The following SCARA5 variants were observed in gnomAD, a reference collection of about 807,000 sequenced individuals.
SCARA5 encodes the protein scavenger receptor class A member 5, also known as scavenger receptor class A, member 5 (putative).
Under a neutral mutation model 46.3 loss-of-function variants are expected in SCARA5, and 45 were observed. The observed-to-expected ratio is 0.97, with a 90% CI of 0.76 to 1.24. The LOEUF (loss-of-function observed/expected upper bound fraction) is 1.24, where lower values mean the gene tolerates loss of function less well. Ranked by LOEUF, SCARA5 falls within the 50% of genes most tolerant of loss-of-function variation. SCARA5 has a pLI of 0.00. For synonymous variants in SCARA5, 333 were observed against 306.5 expected (o/e 1.09, Z -0.90); for missense variants, 680 against 689.0 (o/e 0.99, Z 0.15).
intron 2 of SCARA5, among the ~76,000 whole-genome samples, chr8:27,969,120 G>A (rs985218675): frequency 6.6e-6 from 1 of 152,156 alleles, no homozygotes; most frequent in Non-Finnish European, 1.5e-5. Flanking sequence ...AGGGAAAGAA[G>A]ACAATTTAAG....
chr8:27,930,731 T>G (rs1807757870), intron 3 of SCARA5, among the ~76,000 whole-genome samples: 1 of 152,210 alleles, frequency 6.6e-6, no homozygotes, highest in Non-Finnish European at 1.5e-5. Flanking sequence ...AATTGCCCAG[T>G]CTTGGGTATG....
At chr8:27,987,423 G>T in intron 2 of SCARA5, 81 bp downstream of exon 2, 2 of 897,996 alleles carry the variant, frequency 2.2e-6, no homozygotes, top group Non-Finnish European at 3.8e-6. Context: ...TAAAGGCAAT[G>T]CCAAGGTTGG....
chr8:27,960,429 G>A (rs1414667288), intron 3 of SCARA5, among the ~76,000 whole-genome samples: 3 of 151,990 alleles, frequency 2.0e-5, no homozygotes, highest in Non-Finnish European at 2.9e-5. Context: ...CTCCTGCCTC[G>A]GCCTCCCAAG....
At chr8:27,990,419 C>G (rs185279111) in intron 1 of SCARA5, among the ~76,000 whole-genome samples, 1 of 152,266 alleles carries the variant, frequency 6.6e-6, no homozygotes, top group East Asian at 1.9e-4. Context: ...TGGACCAAGT[C>G]TGTGCTCTAG....
chr8:27,911,142 G>A (rs1015022003), intron 4 of SCARA5, among the ~76,000 whole-genome samples: 1 of 152,158 alleles, frequency 6.6e-6, no homozygotes, highest in African/African-American at 2.4e-5. Flanking sequence ...GCTCTAAGGT[G>A]GCTCACTGCC....
intron 4 of SCARA5, among the ~76,000 whole-genome samples, chr8:27,913,403 G>C (rs1305380002): frequency 6.6e-6 from 1 of 152,186 alleles, no homozygotes; most frequent in Non-Finnish European, 1.5e-5. Flanking sequence ...CTGCCTGTAG[G>C]TGAAGCAATC....
Position 27,922,227 on chromosome 8 carries a change from G to A in SCARA5, c.260C>T (p.Ser87Phe), listed in dbSNP as rs1307755601. ...AGTCAGGGCCTTCAGGTCGTCAGGG[G>A]AGCTGCGCGGCCTGGACACTGCGGA... Reference protein sequence around the residue: ...FILAVSRPRSSPDDLKALTRN... With the variant: ...FILAVSRPRSFPDDLKALTRN... Residue 87 changes from serine to phenylalanine, a missense_variant, in exon 4 of 9, where the codon TCC (serine) becomes TTC (phenylalanine). Ser to Phe is a radical substitution (Grantham distance 155). Coordinates refer to ENST00000354914, the MANE Select transcript of SCARA5 (RefSeq NM_173833.6). The A allele has an allele frequency of 6.4e-7, 1 of 1,573,238 alleles. No individual in the cohort carries two copies. The highest frequency in any genetic ancestry group is 8.6e-7 in the Non-Finnish European group (1 of 1,158,246).
chr8:27,955,398 T>C (rs1808192712), intron 3 of SCARA5, among the ~76,000 whole-genome samples: 1 of 152,078 alleles, frequency 6.6e-6, no homozygotes, highest in South Asian at 2.1e-4. Context: ...AGAAGGAGCA[T>C]AGAGAAAGGC....
At chr8:27,873,312 C>T (rs961420757) in intron 8 of SCARA5, among the ~76,000 whole-genome samples, 5 of 152,184 alleles carry the variant, frequency 3.3e-5, no homozygotes, top group Non-Finnish European at 7.3e-5. Context: ...CACTTCAACA[C>T]TATTTTATGT....
chr8:27,959,022 C>A (rs1033075697), intron 3 of SCARA5, among the ~76,000 whole-genome samples: 2 of 152,112 alleles, frequency 1.3e-5, no homozygotes, highest in African/African-American at 4.8e-5. Context: ...CACTTGAGGC[C>A]AGGAGTTTAA....
intron 3 of SCARA5, among the ~76,000 whole-genome samples, chr8:27,954,436 T>C (rs1808176813): frequency 6.6e-6 from 1 of 152,244 alleles, no homozygotes; most frequent in Non-Finnish European, 1.5e-5. Flanking sequence ...TTGTAATATA[T>C]GTTTGTTTGC....
chr8:27,975,645 C>A (rs1348488118), intron 2 of SCARA5, among the ~76,000 whole-genome samples: 1 of 152,188 alleles, frequency 6.6e-6, no homozygotes, highest in African/African-American at 2.4e-5. Flanking sequence ...ATTTTGGTAA[C>A]CTGAAGTGAA....
intron 3 of SCARA5, among the ~76,000 whole-genome samples, chr8:27,948,224 C>T (rs1032630038): frequency 5.3e-5 from 8 of 152,102 alleles, no homozygotes; most frequent in African/African-American, 1.4e-4. Flanking sequence ...GATTTGGCCT[C>T]GGGCTGGGTT....
intron 3 of SCARA5, among the ~76,000 whole-genome samples, chr8:27,951,806 G>A (rs1808133107): frequency 6.6e-6 from 1 of 152,198 alleles, no homozygotes; most frequent in South Asian, 2.1e-4. Flanking sequence ...TTTTCACGGG[G>A]AATGACTTCG....
Position 27,904,799 on chromosome 8 carries a change from CT to C in SCARA5, c.1131del (p.Gly378GlufsTer14). Reference sequence around the variant, plus strand: ...TTACTGGCATCCCCAGCTCTGTCTCCTTTCTCTCCTTTCTCTCCTTTTGGGC... The same window carrying C: ...TTACTGGCATCCCCAGCTCTGTCTCCTTCTCTCCTTTCTCTCCTTTTGGGC... ...DRGPKGEKGEKGDRAGDASGV... is the reference protein window; with the variant it reads ...DRGPKGEKGEXGDRAGDASGV... On this transcript the variant is annotated frameshift_variant, in exon 7 of 9. Transcript: ENST00000354914. LOFTEE classifies it high-confidence loss of function. 6.2e-7 allele frequency: 1 copy of C among 1,612,514 alleles called. No individual in the cohort carries two copies. Among genetic ancestry groups the C allele is most frequent in the Non-Finnish European group, 8.5e-7 (1 of 1,179,298 alleles).
chr8:27,923,675 A>T (rs1807636245), intron 3 of SCARA5, among the ~76,000 whole-genome samples: 1 of 152,144 alleles, frequency 6.6e-6, no homozygotes, highest in African/African-American at 2.4e-5. Flanking sequence ...TCCCAGGTTC[A>T]AGTGATTCTC....
intron 8 of SCARA5, among the ~76,000 whole-genome samples, chr8:27,876,975 C>T (rs1051746879): frequency 7.9e-5 from 12 of 152,094 alleles, no homozygotes; most frequent in Admixed American, 2.0e-4. Context: ...TCCCTCCTCT[C>T]GGCCCCATGA....
At chr8:27,940,984 A>C (rs1807936290) in intron 3 of SCARA5, among the ~76,000 whole-genome samples, 1 of 151,844 alleles carries the variant, frequency 6.6e-6, no homozygotes, top group Non-Finnish European at 1.5e-5. Flanking sequence ...CTTACAAAAC[A>C]CTCCTATGAA....
intron 2 of SCARA5, among the ~76,000 whole-genome samples, chr8:27,984,122 C>G (rs907625242): frequency 6.6e-6 from 1 of 152,114 alleles, no homozygotes; most frequent in African/African-American, 2.4e-5. Flanking sequence ...CCTGGCCCCA[C>G]CCTTTCCTCT....
Sources: gnomAD v4.1 joint callset for allele counts (sites outside exome capture counted in the v4.1 genomes callset) on GRCh38, gnomAD v4.1.1 for gene constraint, MANE v1.5 for transcripts, NCBI Gene and HGNC (gene_info 2026-07-23, HGNC 2026-07-21) for gene names.